TNFSF4: variants seen among roughly 807,000 people sequenced by gnomAD.
TNFSF4 encodes the protein TNF superfamily member 4.
Under a neutral mutation model 7.3 loss-of-function variants are expected in TNFSF4, and 4 were observed. The observed-to-expected ratio is 0.55, with a 90% confidence interval of 0.27 to 1.25. The LOEUF is 1.25. Ranked by LOEUF, TNFSF4 falls within the 50% of genes most tolerant of loss-of-function variation. The pLI, the probability that TNFSF4 is intolerant of heterozygous loss-of-function variation, is 0.12. For missense variants in TNFSF4, 181 were observed against 208.8 expected (o/e 0.87, Z 0.82); for synonymous variants, 76 against 83.7 (o/e 0.91, Z 0.50).
chr1:173,319,581 G>T, the TNFSF4 span, among the ~76,000 whole-genome samples: 1 of 152,228 alleles, frequency 6.6e-6, no homozygotes, highest in African/African-American at 2.4e-5. Flanking sequence ...CCCAACAGGG[G>T]TTGACAGACA....
the TNFSF4 span, among the ~76,000 whole-genome samples, chr1:173,345,822 T>A: frequency 6.6e-6 from 1 of 152,162 alleles, no homozygotes; most frequent in African/African-American, 2.4e-5. Flanking sequence ...CTACCATTCC[T>A]GGGGCACCCC....
chr1:173,347,479 C>T, the TNFSF4 span, among the ~76,000 whole-genome samples: 6 of 152,210 alleles, frequency 3.9e-5, no homozygotes, highest in African/African-American at 1.4e-4. Context: ...CAGTCTTTCC[C>T]ATGCAACAAT....
chr1:173,192,053 T>A (rs1472376249), intron 1 of TNFSF4, among the ~76,000 whole-genome samples: 2 of 152,216 alleles, frequency 1.3e-5, no homozygotes, highest in Admixed American at 1.3e-4. Context: ...GGTATGCACC[T>A]GTAATCTTAG....
the TNFSF4 span, among the ~76,000 whole-genome samples, chr1:173,223,803 C>A: frequency 6.6e-6 from 1 of 152,276 alleles, no homozygotes; most frequent in East Asian, 1.9e-4. Flanking sequence ...GAAACTCTAT[C>A]ACGCCTCGTA....
chr1:173,216,992 T>C, the TNFSF4 span, among the ~76,000 whole-genome samples: 4 of 152,278 alleles, frequency 2.6e-5, no homozygotes, highest in East Asian at 7.7e-4. Context: ...GATGTCCTTA[T>C]AGGAATTGCC....
At chr1:173,347,762 C>A in the TNFSF4 span, among the ~76,000 whole-genome samples, 8 of 152,336 alleles carry the variant, frequency 5.3e-5, no homozygotes, top group African/African-American at 1.9e-4. Context: ...GTCTAGCCCA[C>A]AAGGCTTCTC....
chr1:173,259,719 T>C, the TNFSF4 span, among the ~76,000 whole-genome samples: 1 of 152,034 alleles, frequency 6.6e-6, no homozygotes, highest in African/African-American at 2.4e-5. Context: ...AATAGCCAAA[T>C]AGACCAAGCG....
At chr1:173,325,537 G>T in the TNFSF4 span, among the ~76,000 whole-genome samples, 1 of 152,030 alleles carries the variant, frequency 6.6e-6, no homozygotes, top group Non-Finnish European at 1.5e-5. Context: ...GAAGGAAATA[G>T]AGACACAAAA....
chr1:173,300,630 T>G, the TNFSF4 span, among the ~76,000 whole-genome samples: 2 of 151,900 alleles, frequency 1.3e-5, no homozygotes, highest in African/African-American at 4.8e-5. Flanking sequence ...ATGGAATTTT[T>G]TCTACCTTTT....
At chr1:173,188,625 G>A (rs10489270) in intron 1 of TNFSF4, 56 bp from the exon 2 acceptor site, 147,761 of 1,450,226 alleles carry the variant, frequency 0.1, 8,566 homozygotes, top group Non-Finnish European at 0.12. Flanking sequence ...AATGAAATTC[G>A]CAAGTCATAT....
At chr1:173,380,065 G>A in the TNFSF4 span, among the ~76,000 whole-genome samples, 5 of 152,180 alleles carry the variant, frequency 3.3e-5, no homozygotes, top group Admixed American at 6.5e-5. Context: ...GGACACTGGC[G>A]TGGCCTTCTC....
the TNFSF4 span, chr1:173,363,368 CTT>C: frequency 1.5e-5 from 5 of 332,952 alleles, no homozygotes; most frequent in African/African-American, 4.5e-5. Context: ...GATATCAGTT[CTT>C]GATTGTGCTT....
the TNFSF4 span, among the ~76,000 whole-genome samples, chr1:173,278,266 G>C: frequency 6.6e-6 from 1 of 152,116 alleles, no homozygotes; most frequent in Non-Finnish European, 1.5e-5. Context: ...ACAATGCTTG[G>C]TATAGAGTAG....
At chr1:173,238,633 G>A in the TNFSF4 span, among the ~76,000 whole-genome samples, 1 of 150,464 alleles carries the variant, frequency 6.6e-6, no homozygotes, top group Non-Finnish European at 1.5e-5. Flanking sequence ...ACATACATGC[G>A]GCCAACAAAC....
chr1:173,239,203 C>T, the TNFSF4 span, among the ~76,000 whole-genome samples: 6 of 152,302 alleles, frequency 3.9e-5, no homozygotes, highest in South Asian at 1.2e-3. Context: ...GTTATGCCTG[C>T]CCTCCAGAGC....
At chr1:173,449,679 A>G in the TNFSF4 span, among the ~76,000 whole-genome samples, 12 of 152,076 alleles carry the variant, frequency 7.9e-5, no homozygotes, top group Non-Finnish European at 1.6e-4. Flanking sequence ...GGACTAATAC[A>G]CCAACATACT....
At chr1:173,366,955 T>C in the TNFSF4 span, among the ~76,000 whole-genome samples, 6 of 152,148 alleles carry the variant, frequency 3.9e-5, no homozygotes, top group Non-Finnish European at 8.8e-5. Flanking sequence ...TTCTGGGCCC[T>C]CGCTTTACAG....
At chr1:173,432,862 C>T in the TNFSF4 span, among the ~76,000 whole-genome samples, 1 of 152,098 alleles carries the variant, frequency 6.6e-6, no homozygotes, top group Non-Finnish European at 1.5e-5. Context: ...ATCTAAGAAA[C>T]CAATGCTTAT....
the TNFSF4 span, among the ~76,000 whole-genome samples, chr1:173,303,622 T>C: frequency 1.3e-5 from 2 of 151,762 alleles, no homozygotes; most frequent in Non-Finnish European, 3.0e-5. Flanking sequence ...TTATAAAAGA[T>C]GTTTTTATAC....
Sources: allele counts gnomAD v4.1 joint callset (sites outside exome capture counted in the v4.1 genomes callset), GRCh38; gene constraint gnomAD v4.1.1; transcripts MANE v1.5; gene names NCBI Gene and HGNC (gene_info 2026-07-23, HGNC 2026-07-21).